ZSCAN20: variants seen among roughly 807,000 people sequenced by gnomAD.
ZSCAN20 encodes the protein zinc finger and SCAN domain containing 20, also known as zinc finger and SCAN domain-containing protein 20.
A neutral mutation model predicts 97.1 loss-of-function variants in ZSCAN20; 39 were observed. The ratio of observed to expected loss-of-function variants is 0.40; its 90% confidence interval spans 0.31 to 0.52. ZSCAN20 has a LOEUF of 0.52. Among genes scored for constraint, ZSCAN20 ranks in the 20% least tolerant of loss-of-function variants. ZSCAN20 has a pLI of 0.49. For synonymous variants in ZSCAN20, 456 were observed against 467.3 expected, an observed-to-expected ratio of 0.98 and a Z score of 0.31; for missense variants, 1,115 against 1,290.4, an observed-to-expected ratio of 0.86 and a Z score of 2.08.
In ZSCAN20 at chr1:33,488,540, G is replaced by T. The variant is rs1174703676; in HGVS notation, c.493G>T (p.Val165Leu). The change falls in exon 3 of 8, where the codon GTG (valine) becomes TTG (leucine). Residue 165 changes from valine (V) to leucine (L), a missense_variant. By Grantham distance (32) the Val-to-Leu change is conservative. Around this residue, in one of 3 missense-constraint regions of ZSCAN20, gnomAD observed 508 missense variants for 611.2 expected, o/e 0.83. Coordinates refer to ENST00000684572, the MANE Select transcript of ZSCAN20 (RefSeq NM_001377376.1). ...EEAQSFQLQP[V>L]DPWPEGQSQK... ...AGCTCAGAGCTTCCAGCTGCAGCCA[G>T]TGGATCCCTGGCCTGAGGGACAGTC... 1 of 1,614,064 alleles carries T rather than the reference G, an allele frequency of 6.2e-7. No homozygotes were observed. Among genetic ancestry groups the T allele is most frequent in the Non-Finnish European group, 8.5e-7 (1 of 1,180,040 alleles).
intron 1 of ZSCAN20, among the ~76,000 whole-genome samples, chr1:33,478,205 A>G (rs1652007428): frequency 6.6e-6 from 1 of 152,124 alleles, no homozygotes; most frequent in African/African-American, 2.4e-5. Context: ...TGTTGTGCAA[A>G]CAATAGAGCA....
chr1:33,495,521 T>C lies in ZSCAN20; in HGVS notation c.*45T>C. 7.0e-7 allele frequency: 1 copy of C among 1,436,864 alleles called. No individual in the cohort carries two copies. Among genetic ancestry groups the C allele is most frequent in the Non-Finnish European group, 9.2e-7 (1 of 1,088,632 alleles). The allele number at this position is 1,436,864 out of a possible 1,614,324, so 89.0% of individuals were successfully genotyped here. On this transcript the variant is annotated 3_prime_UTR_variant, in exon 8 of 8. Transcript: ENST00000684572. The stretch of plus-strand genomic sequence containing the variant: ...CAAAGGAGGACTCAATGTATATATC[T>C]TATATCATAAGATGTATGCTAGAGA...
At position 33,493,633 on chromosome 1, in the gene ZSCAN20, G is replaced by T; in HGVS notation, c.1873+18G>T. 1.3e-6 allele frequency: 2 copies of T among 1,528,474 alleles called. No homozygotes were observed. The highest frequency in any genetic ancestry group is 1.8e-6 in the Non-Finnish European group (2 of 1,139,268). The allele number at this position is 1,528,474 out of a possible 1,614,324, so 94.7% of individuals were successfully genotyped here. A position where few individuals can be genotyped will look rare whatever the true frequency, so the allele number is the denominator to read the frequency against. ...AGACATGGGTAAGCCTGGAGTAATT[G>T]GATGTTCTCAAAATCTGTGGGCATG... On this transcript the variant is annotated intron_variant, in intron 7 of 7. Coordinates refer to ENST00000684572, the MANE Select transcript of ZSCAN20 (RefSeq NM_001377376.1). This position sits in a 1 kb window ranked among gnomAD's most constrained non-coding sequence, Gnocchi z 4.3.
rs376649031 is a variant in ZSCAN20, at chr1:33,491,717, G to T, written c.1444+15G>T. The T allele has an allele frequency of 4.5e-5, 70 of 1,544,134 alleles. No homozygotes were observed. In the Admixed American group the frequency reaches 5.9e-4, roughly 13 times the overall value. Reference sequence around the variant, plus strand: ...GAGTCGTATTGGTAAGAACATGGGGGTTTAGTCAGATTCAGATTTCCAACC... The same window carrying T: ...GAGTCGTATTGGTAAGAACATGGGGTTTTAGTCAGATTCAGATTTCCAACC... On this transcript the variant is annotated intron_variant, in intron 6 of 7. Transcript: ENST00000684572. The surrounding 1 kb of genome is among the most constrained non-coding windows in gnomAD (Gnocchi z 4.3).
intron 1 of ZSCAN20, among the ~76,000 whole-genome samples, chr1:33,477,554 A>C (rs1007525124): frequency 2.0e-5 from 3 of 151,730 alleles, no homozygotes; most frequent in Admixed American, 6.6e-5. Context: ...TCCTTCTCAT[A>C]CAATGTCTCA....
chr1:33,493,055 A>G lies in ZSCAN20; in HGVS notation c.1445-132A>G. 3.3e-6 allele frequency: 3 copies of G among 922,486 alleles called. No homozygotes were observed. Among genetic ancestry groups the G allele is most frequent in the Non-Finnish European group, 4.8e-6 (3 of 622,294 alleles). 57.1% of individuals were successfully genotyped at this position (922,486 alleles called of 1,614,324 possible). On this transcript the variant is annotated intron_variant, in intron 6 of 7. Coordinates refer to ENST00000684572, the MANE Select transcript of ZSCAN20 (RefSeq NM_001377376.1). The surrounding 1 kb of genome is among the most constrained non-coding windows in gnomAD (Gnocchi z 4.3). ...GCATGCCCCTGAGAAGCAAAGGGAT[A>G]TTCTCCAGGTACCTGGATAGTTTCT...
At position 33,501,613 on chromosome 1, in the gene ZSCAN20, A is replaced by C. The variant is rs538358779; in HGVS notation, c.*6137A>C. Reference sequence around the variant, plus strand: ...TATTTTGGGATGGAATGGCCTGATAAGTTAATAAATTATATTAAACTGCCA... The same window carrying C: ...TATTTTGGGATGGAATGGCCTGATACGTTAATAAATTATATTAAACTGCCA... On this transcript the variant is annotated 3_prime_UTR_variant, in exon 8 of 8. Coordinates refer to ENST00000684572, the MANE Select transcript of ZSCAN20 (RefSeq NM_001377376.1). 6.6e-6 allele frequency among the ~76,000 whole-genome samples: 1 copy of C among 151,068 alleles called. No individual in the cohort carries two copies. Among genetic ancestry groups the C allele is most frequent in the Non-Finnish European group, 1.5e-5 (1 of 67,898 alleles).
Position 33,494,334 on chromosome 1 carries a change from G to A in ZSCAN20, c.1990G>A (p.Gly664Arg). ...AGCTGTTTGCCAACCTCTTGACTGG[G>A]GAGAAGACAGTGAAAATGAAAATGA... ...TEAVCQPLDW[G>R]EDSENENEDE... The change falls in exon 8 of 8, where the codon GGA (glycine) becomes AGA (arginine). Residue 664 changes from glycine to arginine, a missense_variant. This residue lies in a region of ZSCAN20 where 554 missense variants were observed against 584.9 expected (regional missense o/e 0.95). Transcript: ENST00000684572. 6.2e-7 allele frequency: 1 copy of A among 1,614,162 alleles called. No homozygotes were observed. Among genetic ancestry groups the A allele is most frequent in the Non-Finnish European group, 8.5e-7 (1 of 1,180,036 alleles).
In ZSCAN20 at chr1:33,491,538, T is replaced by C. The variant is rs1488930541; in HGVS notation, c.1280T>C (p.Leu427Pro). Residue 427 changes from leucine (L) to proline (P), a missense_variant, in exon 6 of 8, where the codon CTT becomes CCT. This residue lies in a region of ZSCAN20 where 508 missense variants were observed against 611.2 expected (regional missense o/e 0.83). Transcript: ENST00000684572. This position sits in a 1 kb window ranked among gnomAD's most constrained non-coding sequence, Gnocchi z 4.3. ...GATGGCCCAGGAGAGGCCGTGGCACTTCCCAGGCTCGGGTATAGTGACGCA... is the reference window on the plus strand; with the variant it reads ...GATGGCCCAGGAGAGGCCGTGGCACCTCCCAGGCTCGGGTATAGTGACGCA... ...ATDGPGEAVA[L>P]PRLGYSDAEM... The C allele has an allele frequency of 6.2e-7, 1 of 1,613,944 alleles. No individual in the cohort carries two copies. Among genetic ancestry groups the C allele is most frequent in the African/African-American group, 1.3e-5 (1 of 74,922 alleles).
At position 33,495,161 on chromosome 1, in the gene ZSCAN20, C is replaced by G; in HGVS notation, c.2817C>G (p.Cys939Trp). The change falls in exon 8 of 8, where the codon TGC becomes TGG. Residue 939 changes from cysteine (C) to tryptophan (W), a missense_variant. Cys to Trp is a radical substitution (Grantham distance 215, BLOSUM62 -2). Transcript: ENST00000684572. ...ATAAATGTGTGGACTGTGGGAAGTG[C>G]TTCAGTGAGCGCTCCAAGCTCATCA... Reference protein sequence around the residue: ...KPYKCVDCGKCFSERSKLITH... With the variant: ...KPYKCVDCGKWFSERSKLITH... 6.2e-7 allele frequency: 1 copy of G among 1,614,008 alleles called. No individual in the cohort carries two copies. Among genetic ancestry groups the G allele is most frequent in the Non-Finnish European group, 8.5e-7 (1 of 1,179,950 alleles).
intron 6 of ZSCAN20, chr1:33,492,735 C>T (rs1032656361): frequency 7.2e-6 from 1 of 138,138 alleles, no homozygotes; most frequent in Non-Finnish European, 1.5e-5. Context: ...AGGATTGCAT[C>T]GCTGCACTCC....
chr1:33,484,430 G>A (rs1373408836), intron 2 of ZSCAN20, among the ~76,000 whole-genome samples: 1 of 152,062 alleles, frequency 6.6e-6, no homozygotes, highest in African/African-American at 2.4e-5. Context: ...TTCTGCATCT[G>A]TTGATATAAT....
chr1:33,479,469 G>T lies in ZSCAN20; in HGVS notation c.181G>T (p.Asp61Tyr), dbSNP rs1002845805. The T allele has an allele frequency of 2.5e-6, 4 of 1,614,134 alleles. No individual in the cohort carries two copies. The highest frequency in any genetic ancestry group is 3.4e-6 in the Non-Finnish European group (4 of 1,179,950). ...GCGCTTCAGGCAATTCCAATACAGG[G>T]ATGCAGCTGGACCCCACGAGGCCTT... ...RQRFRQFQYR[D>Y]AAGPHEAFSQ... The change falls in exon 2 of 8, where the codon GAT becomes TAT. Residue 61 changes from aspartate to tyrosine, a missense_variant. Around this residue, in one of 3 missense-constraint regions of ZSCAN20, gnomAD observed 508 missense variants for 611.2 expected, o/e 0.83. Transcript: ENST00000684572.
chr1:33,495,459 G>A lies in ZSCAN20; in HGVS notation c.3115G>A (p.Gly1039Arg). The A allele has an allele frequency of 6.5e-7, 1 of 1,532,592 alleles. No individual in the cohort carries two copies. 94.9% of individuals were successfully genotyped at this position (1,532,592 alleles called of 1,614,324 possible). A position where few individuals can be genotyped will look rare whatever the true frequency, so the allele number is the denominator to read the frequency against. ...HFSAHRRTHA[G>R]GKAS is the part of the protein sequence containing the mutation. ...CAGTGCTCACCGGAGAACCCATGCA[G>A]GAGGGAAGGCGTCGTAGGGGACAGT... is the stretch of plus-strand genomic sequence containing the variant. The change falls in exon 8 of 8, where the codon GGA becomes AGA. Residue 1039 changes from glycine (G) to arginine (R), a missense_variant. Physicochemically the swap from Gly to Arg is moderately radical, Grantham distance 125. Coordinates refer to ENST00000684572, the MANE Select transcript of ZSCAN20 (RefSeq NM_001377376.1).
At position 33,491,227 on chromosome 1, in the gene ZSCAN20, T is replaced by C. The variant is rs760159580; in HGVS notation, c.969T>C (p.Gly323=). Residue 323 remains glycine (G), a synonymous_variant, in exon 6 of 8, where the codon GGT becomes GGC. Coordinates refer to ENST00000684572, the MANE Select transcript of ZSCAN20 (RefSeq NM_001377376.1). The surrounding 1 kb of genome is among the most constrained non-coding windows in gnomAD (Gnocchi z 4.3). ...QWDVEDMKVS[G]VHWGYEETKT... ...ATGTGGAGGACATGAAGGTGTCAGGTGTTCACTGGGGCTATGAGGAGACCA... is the reference window on the plus strand; with the variant it reads ...ATGTGGAGGACATGAAGGTGTCAGGCGTTCACTGGGGCTATGAGGAGACCA... 1.2e-6 allele frequency: 2 copies of C among 1,614,028 alleles called. No homozygotes were observed. The highest frequency in any genetic ancestry group is 1.7e-6 in the Non-Finnish European group (2 of 1,179,990).
chr1:33,496,532 A>T lies in ZSCAN20; in HGVS notation c.*1056A>T, dbSNP rs191532057. Reference sequence around the variant, plus strand: ...ATGCGGCCTAAGTAATTTTTCTTCCAATAAGATACTGCTTTGGCTAAGGAA... The same window carrying T: ...ATGCGGCCTAAGTAATTTTTCTTCCTATAAGATACTGCTTTGGCTAAGGAA... On this transcript the variant is annotated 3_prime_UTR_variant, in exon 8 of 8. Transcript: ENST00000684572. 2.0e-5 allele frequency: 3 copies of T among 152,342 alleles called. No homozygotes were observed. The East Asian group carries it at 5.8e-4, about 29-fold the overall frequency. 9.4% of individuals were successfully genotyped at this position (152,342 alleles called of 1,614,324 possible). A position where few individuals can be genotyped will look rare whatever the true frequency, so the allele number is the denominator to read the frequency against.
chr1:33,488,438 T>C (rs748707147), intron 2 of ZSCAN20, 27 bp from the exon 3 acceptor site: 2 of 1,604,986 alleles, frequency 1.2e-6, no homozygotes, highest in African/African-American at 1.3e-5. Context: ...GAATTGTTGA[T>C]TGGGAATTTT....
chr1:33,491,461 C>G lies in ZSCAN20; in HGVS notation c.1203C>G (p.Phe401Leu). ...KSSHPPGTCPFYEELEALVRA... is the reference protein window; with the variant it reads ...KSSHPPGTCPLYEELEALVRA... ...GCCACCCACCAGGTACCTGCCCCTT[C>G]TATGAGGAGCTGGAGGCCCTGGTCA... The change falls in exon 6 of 8, where the codon TTC (phenylalanine) becomes TTG (leucine). Residue 401 changes from phenylalanine (F) to leucine (L), a missense_variant. Coordinates refer to ENST00000684572, the MANE Select transcript of ZSCAN20 (RefSeq NM_001377376.1). The surrounding 1 kb of genome is among the most constrained non-coding windows in gnomAD (Gnocchi z 4.3). The G allele has an allele frequency of 6.2e-7, 1 of 1,614,174 alleles. No homozygotes were observed. The highest frequency in any genetic ancestry group is 8.5e-7 in the Non-Finnish European group (1 of 1,180,024).
At position 33,500,491 on chromosome 1, in the gene ZSCAN20, A is replaced by G. The variant is rs1239130050; in HGVS notation, c.*5015A>G. On this transcript the variant is annotated 3_prime_UTR_variant, in exon 8 of 8. Transcript: ENST00000684572. ...GCCACTTGGTTAAGTCAAGAGCATT[A>G]GAAGAGTAAAAAGAAGAATACAATT... Among the ~76,000 whole-genome samples the G allele has an allele frequency of 2.6e-5, 4 of 152,194 alleles. No homozygotes were observed. Among genetic ancestry groups the G allele is most frequent in the African/African-American group, 4.8e-5 (2 of 41,452 alleles).
Sources: allele counts gnomAD v4.1 joint callset (sites outside exome capture counted in the v4.1 genomes callset), GRCh38; gene constraint gnomAD v4.1.1; regional missense constraint gnomAD v4.1.1; non-coding constraint Gnocchi (gnomAD v3.1); transcripts MANE v1.5; gene names NCBI Gene and HGNC (gene_info 2026-07-23, HGNC 2026-07-21).